Variants in RBFOX1 observed in about 807,000 individuals in gnomAD.
RBFOX1 encodes the protein RNA binding fox-1 homolog 1.
In RBFOX1, 8 loss-of-function variants were observed where a neutral mutation model predicts 57.7. That is an observed-to-expected ratio of 0.14 (90% CI 0.08 to 0.25). RBFOX1 has a LOEUF of 0.25. Ranked by LOEUF, RBFOX1 falls within the 10% of genes least tolerant of loss-of-function variation. The pLI is 1.00. For synonymous variants in RBFOX1, 326 were observed against 222.4 expected (o/e 1.47, Z -4.15); for missense variants, 611 against 548.5 (o/e 1.11, Z -1.14).
At chr16:6,243,768 G>T (rs1472267129) in intron 1 of RBFOX1, among the ~76,000 whole-genome samples, 1 of 152,172 alleles carries the variant, frequency 6.6e-6, no homozygotes, top group African/African-American at 2.4e-5. Context: ...ACCTTGGTTT[G>T]GTTGGTAGGA....
intron 1 of RBFOX1, among the ~76,000 whole-genome samples, chr16:5,428,112 G>T (rs1567495762): frequency 9.8e-6 from 1 of 101,822 alleles, no homozygotes; most frequent in African/African-American, 3.1e-5. Flanking sequence ...AAGGGTGTGT[G>T]TGTGTGTGTC....
rs112670330 is a variant in RBFOX1, at chr16:6,852,973, T to G, written c.-16+198323T>G. On this transcript the variant is annotated intron_variant, in intron 3 of 15. Transcript: ENST00000550418. ...GTGTTGATGACATCAAGAGACCATG[T>G]GAGCCCAGCACCCTATGGATGGACA... 5.3e-5 allele frequency among the ~76,000 whole-genome samples: 8 copies of G among 152,310 alleles called. 1 individual carries two copies. The highest frequency in any genetic ancestry group is 1.7e-4 in the African/African-American group (7 of 41,564).
chr16:6,371,473 C>A (rs2090424342), intron 2 of RBFOX1, among the ~76,000 whole-genome samples: 1 of 152,106 alleles, frequency 6.6e-6, no homozygotes, highest in Non-Finnish European at 1.5e-5. Context: ...CAAGTTGTAT[C>A]ATATGTATTC....
chr16:6,618,035 A>C (rs2098169032), intron 2 of RBFOX1, among the ~76,000 whole-genome samples: 1 of 152,134 alleles, frequency 6.6e-6, no homozygotes, highest in South Asian at 2.1e-4. Context: ...ATATGCATGC[A>C]AGACTTTGCT....
chr16:7,066,122 C>T (rs1568619915), intron 4 of RBFOX1, among the ~76,000 whole-genome samples: 1 of 152,180 alleles, frequency 6.6e-6, no homozygotes, highest in Non-Finnish European at 1.5e-5. Context: ...AGCCTATAGT[C>T]ATTAGGCACA....
intron 4 of RBFOX1, among the ~76,000 whole-genome samples, chr16:5,958,839 T>C (rs2059696638): frequency 6.6e-6 from 1 of 152,196 alleles, no homozygotes; most frequent in African/African-American, 2.4e-5. Flanking sequence ...CTCTGCATAT[T>C]ACTAACCTTG....
intron 4 of RBFOX1, among the ~76,000 whole-genome samples, chr16:7,425,802 T>C (rs1385377019): frequency 2.0e-5 from 3 of 152,210 alleles, no homozygotes; most frequent in Admixed American, 6.5e-5. Flanking sequence ...CAGGATTTTT[T>C]TTCCCTGACG....
chr16:6,764,117 G>A (rs1045807294), intron 3 of RBFOX1, among the ~76,000 whole-genome samples: 1 of 152,162 alleles, frequency 6.6e-6, no homozygotes, highest in Non-Finnish European at 1.5e-5. Context: ...GTGCCTCCCA[G>A]TCTTTGCGTA....
intron 10 of RBFOX1, chr16:7,614,286 A>G (rs1041679342): frequency 1.3e-5 from 2 of 152,218 alleles, no homozygotes; most frequent in South Asian, 2.1e-4. Context: ...CAAAGAGTTT[A>G]TCTTGCACAT....
intron 4 of RBFOX1, among the ~76,000 whole-genome samples, chr16:7,461,765 C>T (rs1459887735): frequency 2.6e-5 from 4 of 152,096 alleles, no homozygotes; most frequent in Admixed American, 2.0e-4. Flanking sequence ...TCCCAGCCCT[C>T]GGAGGTAGTG....
chr16:7,283,430 C>G (rs1470760953), intron 4 of RBFOX1, among the ~76,000 whole-genome samples: 1 of 151,996 alleles, frequency 6.6e-6, no homozygotes, highest in African/African-American at 2.4e-5. Flanking sequence ...GGGGAGCTCA[C>G]TAGGTAGATG....
chr16:7,199,972 C>A lies in RBFOX1; in HGVS notation c.27+147874C>A, dbSNP rs112047001. 8.9e-3 allele frequency among the ~76,000 whole-genome samples: 1,360 copies of A among 152,308 alleles called. 14 individuals carry two copies. The highest frequency in any genetic ancestry group is 0.031 in the African/African-American group (1,293 of 41,552). ...AGAACAAACAACGTGTTGGGGAACA[C>A]TTTTGTAATCTCATTCTTGAATGTG... is the stretch of plus-strand genomic sequence containing the variant. On this transcript the variant is annotated intron_variant, in intron 4 of 15. Coordinates refer to ENST00000550418, the MANE Select transcript of RBFOX1 (RefSeq NM_018723.4).
At chr16:7,242,971 G>C (rs771506086) in intron 4 of RBFOX1, among the ~76,000 whole-genome samples, 1 of 151,966 alleles carries the variant, frequency 6.6e-6, no homozygotes, top group Admixed American at 6.6e-5. Flanking sequence ...TCCTTCATTT[G>C]TTCTCTTCCT....
At chr16:7,616,239 T>C (rs927689526) in intron 10 of RBFOX1, among the ~76,000 whole-genome samples, 2 of 152,236 alleles carry the variant, frequency 1.3e-5, no homozygotes, top group Non-Finnish European at 1.5e-5. Flanking sequence ...GAAAAGTACA[T>C]GCAGTGAAGT....
chr16:6,871,254 C>T (rs1376674175), intron 3 of RBFOX1, among the ~76,000 whole-genome samples: 2 of 152,120 alleles, frequency 1.3e-5, no homozygotes, highest in Admixed American at 6.5e-5. Context: ...GGCATGATCT[C>T]GGCTCACTCT....
chr16:7,437,712 C>T (rs1489669836), intron 4 of RBFOX1, among the ~76,000 whole-genome samples: 1 of 152,064 alleles, frequency 6.6e-6, no homozygotes, highest in Non-Finnish European at 1.5e-5. Context: ...TGGAGATTAG[C>T]CTACTCCTGC....
chr16:5,823,560 G>T (rs1172677403), intron 3 of RBFOX1, among the ~76,000 whole-genome samples: 1 of 152,156 alleles, frequency 6.6e-6, no homozygotes, highest in African/African-American at 2.4e-5. Flanking sequence ...CACAGAAGGA[G>T]GTGAGTTGCA....
At chr16:5,593,759 A>G (rs912429291) in intron 2 of RBFOX1, among the ~76,000 whole-genome samples, 4 of 152,224 alleles carry the variant, frequency 2.6e-5, no homozygotes, top group Admixed American at 2.0e-4. Flanking sequence ...GGACTGCTCT[A>G]TGGAGTGGCC....
intron 3 of RBFOX1, among the ~76,000 whole-genome samples, chr16:6,750,049 A>G (rs1452945654): frequency 2.0e-5 from 3 of 152,120 alleles, no homozygotes; most frequent in African/African-American, 4.8e-5. Context: ...TGATGTAGCT[A>G]TCAACTAGGG....
Sources: allele counts gnomAD v4.1 joint callset (sites outside exome capture counted in the v4.1 genomes callset), GRCh38; gene constraint gnomAD v4.1.1; transcripts MANE v1.5; gene names NCBI Gene and HGNC (gene_info 2026-07-23, HGNC 2026-07-21).